Variants in HS6ST3 observed in about 807,000 individuals in gnomAD.
HS6ST3 encodes heparan-sulfate 6-O-sulfotransferase 3.
A neutral mutation model predicts 36.7 loss-of-function variants in HS6ST3; 12 were observed. That is an observed-to-expected ratio of 0.33 (90% CI 0.21 to 0.53). The LOEUF is 0.53. Among genes scored for constraint, HS6ST3 ranks in the 20% least tolerant of loss-of-function variants. The pLI, the probability that HS6ST3 is intolerant of heterozygous loss-of-function variation, is 0.95. For missense variants in HS6ST3, 584 were observed against 640.9 expected, an observed-to-expected ratio of 0.91 and a Z score of 0.96; for synonymous variants, 240 against 257.5, an observed-to-expected ratio of 0.93 and a Z score of 0.65.
At chr13:96,338,262 T>C (rs1391449282) in intron 1 of HS6ST3, among the ~76,000 whole-genome samples, 1 of 152,130 alleles carries the variant, frequency 6.6e-6, no homozygotes, top group African/African-American at 2.4e-5. Flanking sequence ...GCCACGTTGC[T>C]AAGATCACCA....
At chr13:96,454,900 T>A (rs887929212) in intron 1 of HS6ST3, among the ~76,000 whole-genome samples, 9 of 151,342 alleles carry the variant, frequency 5.9e-5, no homozygotes, top group African/African-American at 2.2e-4. Context: ...TACGCCTTTA[T>A]GCCAGCCAAG....
chr13:96,368,355 G>T (rs1419715839), intron 1 of HS6ST3, among the ~76,000 whole-genome samples: 2 of 152,024 alleles, frequency 1.3e-5, no homozygotes, highest in African/African-American at 4.8e-5. Context: ...ATAGCATGTT[G>T]TATATAAATG....
At chr13:96,119,006 G>A (rs1008461520) in intron 1 of HS6ST3, among the ~76,000 whole-genome samples, 26 of 151,908 alleles carry the variant, frequency 1.7e-4, no homozygotes, top group African/African-American at 6.0e-4. Flanking sequence ...CACCGCGCCC[G>A]GCCACATTAA....
rs762106147 is a variant in HS6ST3 at position 96,838,915 on chromosome 13, C to G, written c.*5717C>G. On this transcript the variant is annotated 3_prime_UTR_variant, in exon 2 of 2. Coordinates refer to ENST00000376705, the MANE Select transcript of HS6ST3 (RefSeq NM_153456.4). ...AAGCCCTTGAACTTCTAGGCAAGGACTCATGCTAACCTAGCAGTACTCCAG... is the reference window on the plus strand; with the variant it reads ...AAGCCCTTGAACTTCTAGGCAAGGAGTCATGCTAACCTAGCAGTACTCCAG... 2 of 152,222 alleles carry G rather than the reference C, an allele frequency of 1.3e-5. No individual in the cohort carries two copies. Among genetic ancestry groups the G allele is most frequent in the African/African-American group, 4.8e-5 (2 of 41,462 alleles). The allele number at this position is 152,222 out of a possible 1,614,324, so 9.4% of individuals were successfully genotyped here.
chr13:96,499,387 G>A (rs1594794684), intron 1 of HS6ST3, among the ~76,000 whole-genome samples: 1 of 152,120 alleles, frequency 6.6e-6, no homozygotes, highest in East Asian at 1.9e-4. Context: ...GGCATTGTTT[G>A]GGGTCATGGG....
chr13:96,199,336 A>G (rs985286125), intron 1 of HS6ST3, among the ~76,000 whole-genome samples: 1 of 152,224 alleles, frequency 6.6e-6, no homozygotes, highest in East Asian at 1.9e-4. Flanking sequence ...TTGTGGAACA[A>G]TTATGGTGAA....
rs150694609 is a variant in HS6ST3 at position 96,431,835 on chromosome 13, C to T, written c.707+340266C>T. Reference sequence around the variant, plus strand: ...GTAGGGCAACTTAGTTCCTCAAAGCCCCAGCTCTTCAAACTTTCCACTGTA... The same window carrying T: ...GTAGGGCAACTTAGTTCCTCAAAGCTCCAGCTCTTCAAACTTTCCACTGTA... On this transcript the variant is annotated intron_variant, in intron 1 of 1. Transcript: ENST00000376705. 8.8e-3 allele frequency among the ~76,000 whole-genome samples: 1,336 copies of T among 152,308 alleles called. 12 individuals carry two copies. Among genetic ancestry groups the T allele is most frequent in the South Asian group, 0.034 (162 of 4,828 alleles).
chr13:96,231,754 G>T (rs1488233249), intron 1 of HS6ST3, among the ~76,000 whole-genome samples: 1 of 152,144 alleles, frequency 6.6e-6, no homozygotes, highest in East Asian at 1.9e-4. Flanking sequence ...TCTGGAACTG[G>T]CTTGTATATA....
intron 1 of HS6ST3, among the ~76,000 whole-genome samples, chr13:96,156,185 C>T (rs1029331514): frequency 2.0e-5 from 3 of 151,986 alleles, no homozygotes; most frequent in Non-Finnish European, 4.4e-5. Flanking sequence ...GGTCATTATC[C>T]CCATTCTATA....
intron 1 of HS6ST3, among the ~76,000 whole-genome samples, chr13:96,655,317 T>G (rs904772104): frequency 6.6e-6 from 1 of 152,098 alleles, no homozygotes; most frequent in African/African-American, 2.4e-5. Context: ...TCTGATGTGT[T>G]AGAAATGTGC....
intron 1 of HS6ST3, among the ~76,000 whole-genome samples, chr13:96,729,531 A>G (rs9556616): frequency 0.74 from 113,143 of 152,138 alleles, 43,260 homozygotes; most frequent in African/African-American, 0.93. Flanking sequence ...ATCGTGGCTC[A>G]CTGCAGCCTC....
At chr13:96,403,691 G>A (rs767887112) in intron 1 of HS6ST3, among the ~76,000 whole-genome samples, 1 of 152,116 alleles carries the variant, frequency 6.6e-6, no homozygotes, top group Admixed American at 6.6e-5. Flanking sequence ...GTATGTTTTC[G>A]GGGGACAGGT....
chr13:96,714,890 A>G (rs1008048395), intron 1 of HS6ST3, among the ~76,000 whole-genome samples: 1 of 151,796 alleles, frequency 6.6e-6, no homozygotes, highest in African/African-American at 2.4e-5. Context: ...CTTTTGTTGT[A>G]GAGACAGGGT....
chr13:96,546,537 T>C (rs2056198336), intron 1 of HS6ST3, among the ~76,000 whole-genome samples: 1 of 152,206 alleles, frequency 6.6e-6, no homozygotes. Context: ...TTATGTTCAC[T>C]CTTCTTTATA....
intron 1 of HS6ST3, among the ~76,000 whole-genome samples, chr13:96,568,394 G>A (rs2056289361): frequency 6.6e-6 from 1 of 152,146 alleles, no homozygotes; most frequent in African/African-American, 2.4e-5. Context: ...AGCCTCCTGA[G>A]TAGCTGAGAT....
chr13:96,415,506 G>A (rs1446344542), intron 1 of HS6ST3, among the ~76,000 whole-genome samples: 1 of 152,174 alleles, frequency 6.6e-6, no homozygotes, highest in African/African-American at 2.4e-5. Flanking sequence ...AACGCTGTTT[G>A]TGCTGGTTCT....
Position 96,832,716 on chromosome 13 carries a change from C to A in HS6ST3, c.934C>A (p.Arg312Ser), listed in dbSNP as rs747297518. The change falls in exon 2 of 2, where the codon CGC becomes AGC. Residue 312 changes from arginine to serine, a missense_variant. This residue lies in a region of HS6ST3 where 360 missense variants were observed against 411.3 expected (regional missense o/e 0.88). Coordinates refer to ENST00000376705, the MANE Select transcript of HS6ST3 (RefSeq NM_153456.4). ...TYNLANNRQV[R>S]MLADLSLVGC... is the part of the protein sequence containing the mutation. The stretch of plus-strand genomic sequence containing the variant: ...CAACCTGGCTAACAATCGCCAGGTG[C>A]GCATGCTGGCTGACCTCAGCCTGGT... 6.2e-7 allele frequency: 1 copy of A among 1,613,946 alleles called. No individual in the cohort carries two copies. The highest frequency in any genetic ancestry group is 8.5e-7 in the Non-Finnish European group (1 of 1,179,918).
At chr13:96,212,221 T>C (rs1238813903) in intron 1 of HS6ST3, among the ~76,000 whole-genome samples, 1 of 152,240 alleles carries the variant, frequency 6.6e-6, no homozygotes, top group Admixed American at 6.5e-5. Flanking sequence ...GGTTTTTTAG[T>C]TTTAGCCACG....
chr13:96,134,143 G>A (rs1401922392), intron 1 of HS6ST3, among the ~76,000 whole-genome samples: 1 of 151,972 alleles, frequency 6.6e-6, no homozygotes, highest in African/African-American at 2.4e-5. Flanking sequence ...TGGTCTGTGT[G>A]TCTGTTTTTT....
Sources: gnomAD v4.1 joint callset for allele counts (sites outside exome capture counted in the v4.1 genomes callset) on GRCh38, gnomAD v4.1.1 for gene constraint, gnomAD v4.1.1 regional missense constraint, MANE v1.5 for transcripts, NCBI Gene and HGNC (gene_info 2026-07-23, HGNC 2026-07-21) for gene names.